ACOT9: variants seen among roughly 807,000 people sequenced by gnomAD.
ACOT9 encodes acyl-CoA thioesterase 9.
A neutral mutation model predicts 39.7 loss-of-function variants in ACOT9; 34 were observed. That is an observed-to-expected ratio of 0.86 (90% CI 0.65 to 1.14). ACOT9 has a LOEUF of 1.14. ACOT9 is among the 50% of genes most tolerant of loss of function. ACOT9 has a pLI of 0.00. For missense variants in ACOT9, 313 were observed against 344.1 expected, an observed-to-expected ratio of 0.91 and a Z score of 0.71; for synonymous variants, 110 against 120.5, an observed-to-expected ratio of 0.91 and a Z score of 0.57.
intron 11 of ACOT9, 64 bp downstream of exon 11, chrX:23,706,558 CAAAAAA>C (rs35002168): frequency 5.0e-4 from 132 of 263,330 alleles, no homozygotes; most frequent in Middle Eastern, 1.3e-3. Context: ...AACTCCGTCT[CAAAAAA>C]AAAAAAAAAA....
At chrX:23,741,767 C>T (rs187357298) in intron 1 of ACOT9, among the ~76,000 whole-genome samples, 19 of 87,283 alleles carry the variant, frequency 2.2e-4, no homozygotes, top group African/African-American at 6.7e-4. Flanking sequence ...CTCTGCCTTC[C>T]GGTTCAGGCG....
Position 23,702,945 on chromosome X carries a change from G to A in ACOT9, c.*949C>T, listed in dbSNP as rs1489439600. On this transcript the variant is annotated 3_prime_UTR_variant, in exon 16 of 16. Coordinates refer to ENST00000379303, the MANE Select transcript of ACOT9 (RefSeq NM_001037171.2). ...ATTTTTTAAATCAGATATATCCTGC[G>A]GAGCCACTAGCAGAATGTGCTAAAT... 1 of 111,460 alleles carries A rather than the reference G, an allele frequency of 9.0e-6. No individual in the cohort carries two copies. The highest frequency in any genetic ancestry group is 9.6e-5 in the Admixed American group (1 of 10,469). 9.2% of individuals were successfully genotyped at this position (111,460 alleles called of 1,213,427 possible).
rs188011906 is a variant in ACOT9, at chrX:23,731,903, G to A, written c.192-917C>T. Among the ~76,000 whole-genome samples, 18 of 112,029 alleles carry A rather than the reference G, an allele frequency of 1.6e-4. No individual in the cohort carries two copies. In the East Asian group the frequency reaches 1.7e-3, roughly 10 times the overall value. On this transcript the variant is annotated intron_variant, in intron 4 of 15. Transcript: ENST00000379303. ...AGAGAAAAGAAAGACAAGGGGATAC[G>A]GAACGACAATGTTGATAAGAACATT...
intron 1 of ACOT9, among the ~76,000 whole-genome samples, chrX:23,737,391 A>C (rs767843034): frequency 1.8e-5 from 2 of 111,927 alleles, no homozygotes; most frequent in African/African-American, 3.2e-5. Flanking sequence ...AGTTCAATTT[A>C]CTAGTAAATT....
Position 23,733,223 on chromosome X carries a change from A to G in ACOT9, c.146-6T>C. ...CTCCCGCAACTTATCTCGAACTGAAACAAAAATAAAGAGGTCATTCCATGA... is the reference window on the plus strand; with the variant it reads ...CTCCCGCAACTTATCTCGAACTGAAGCAAAAATAAAGAGGTCATTCCATGA... On this transcript the variant is annotated splice_region_variant and splice_polypyrimidine_tract_variant and intron_variant, in intron 3 of 15. Coordinates refer to ENST00000379303, the MANE Select transcript of ACOT9 (RefSeq NM_001037171.2). 8.3e-7 allele frequency: 1 copy of G among 1,204,912 alleles called. No individual in the cohort carries two copies.
At chrX:23,738,800 T>C (rs373562993) in intron 1 of ACOT9, among the ~76,000 whole-genome samples, 3 of 112,133 alleles carry the variant, frequency 2.7e-5, no homozygotes, top group African/African-American at 9.7e-5. Flanking sequence ...AATGGCTAAA[T>C]ACCCTGAATA....
chrX:23,713,803 G>A lies in ACOT9; in HGVS notation c.589-595C>T, dbSNP rs946418821. Among the ~76,000 whole-genome samples, 4 of 110,633 alleles carry A rather than the reference G, an allele frequency of 3.6e-5. No individual in the cohort carries two copies. In the Admixed American group the frequency reaches 3.9e-4, roughly 11 times the overall value. On this transcript the variant is annotated intron_variant, in intron 8 of 15. Coordinates refer to ENST00000379303, the MANE Select transcript of ACOT9 (RefSeq NM_001037171.2). ...TCCCAGCATTTTGAGAGGCCTAGAT[G>A]AGAGGATTGCCTGAGACCAGGAAAG...
chrX:23,718,763 G>A (rs145025042), intron 8 of ACOT9, among the ~76,000 whole-genome samples: 4,104 of 109,110 alleles, frequency 0.038, 201 homozygotes, highest in African/African-American at 0.13. Context: ...AAAATTAGCC[G>A]GGCATGGTGG....
At chrX:23,716,656 A>G (rs944203450) in intron 8 of ACOT9, among the ~76,000 whole-genome samples, 1 of 111,757 alleles carries the variant, frequency 8.9e-6, no homozygotes, top group Non-Finnish European at 1.9e-5. Context: ...GGGCTAGTTT[A>G]TGAAGCCCCT....
At chrX:23,706,805 C>T in intron 10 of ACOT9, 66 bp from the exon 11 acceptor site, 1 of 629,222 alleles carries the variant, frequency 1.6e-6, no homozygotes, top group Non-Finnish European at 2.5e-6. Context: ...GTATTCTGAC[C>T]TGGGATGCCT....
intron 10 of ACOT9, 36 bp from the exon 11 acceptor site, chrX:23,706,775 C>T (rs764741406): frequency 1.8e-5 from 16 of 872,070 alleles, no homozygotes; most frequent in Non-Finnish European, 1.3e-5. Context: ...ATGATCAGGA[C>T]GGTCGCACTA....
At position 23,703,956 on chromosome X, in the gene ACOT9, G is replaced by A. The variant is rs776162907; in HGVS notation, c.1285C>T (p.Arg429Trp). 6.6e-6 allele frequency: 8 copies of A among 1,210,227 alleles called. No homozygotes were observed. In the East Asian group the frequency reaches 1.5e-4, roughly 22 times the overall value. The change falls in exon 16 of 16, where the codon CGG (arginine) becomes TGG (tryptophan). Residue 429 changes from arginine to tryptophan, a missense_variant. Physicochemically the swap from Arg to Trp is moderately radical, Grantham distance 101. Coordinates refer to ENST00000379303, the MANE Select transcript of ACOT9 (RefSeq NM_001037171.2). Reference protein sequence around the residue: ...GESMLYLDGQRHFNSMSGPAT... With the variant: ...GESMLYLDGQWHFNSMSGPAT... ...GGGCCACTCATGGAGTTGAAATGCC[G>A]CTGCCCATCTAAGTACAACATGGAC... is the stretch of plus-strand genomic sequence containing the variant.
chrX:23,713,281 G>C (rs1250351642), intron 8 of ACOT9, 73 bp from the exon 9 acceptor site: 17 of 895,682 alleles, frequency 1.9e-5, no homozygotes, highest in Non-Finnish European at 2.8e-5. Flanking sequence ...GATTCTAACA[G>C]ACGGTATGTA....
chrX:23,709,490 C>T (rs990612833), intron 9 of ACOT9, among the ~76,000 whole-genome samples: 1 of 112,514 alleles, frequency 8.9e-6, no homozygotes, highest in Non-Finnish European at 1.9e-5. Context: ...TGCTTGAATA[C>T]AAGCCCCAGG....
chrX:23,742,841 AGGAATTTTAGG>A (rs1015328441), intron 1 of ACOT9, among the ~76,000 whole-genome samples: 1 of 112,678 alleles, frequency 8.9e-6, no homozygotes, highest in Non-Finnish European at 1.9e-5. Context: ...GCAAGGCCAA[AGGAATTTTAGG>A]GAACACCCAA....
chrX:23,726,133 G>A (rs1929513002), intron 6 of ACOT9, among the ~76,000 whole-genome samples: 1 of 109,582 alleles, frequency 9.1e-6, no homozygotes, highest in Non-Finnish European at 1.9e-5. Context: ...CCGGGAGATG[G>A]AGGATGCAGT....
At chrX:23,735,240 CAAAAAAAAAAA>C (rs35950361) in intron 2 of ACOT9, among the ~76,000 whole-genome samples, 2 of 29,151 alleles carry the variant, frequency 6.9e-5, no homozygotes, top group Non-Finnish European at 1.2e-4. Flanking sequence ...GACTCCATCC[CAAAAAAAAAAA>C]AAAAAAAAAA....
chrX:23,710,363 A>T (rs2146819476), intron 9 of ACOT9, among the ~76,000 whole-genome samples: 1 of 111,930 alleles, frequency 8.9e-6, no homozygotes, highest in South Asian at 3.7e-4. Context: ...GGCTGACTCC[A>T]GGCCTGGGGC....
chrX:23,726,976 C>T (rs889445024), intron 6 of ACOT9, among the ~76,000 whole-genome samples: 7 of 52,178 alleles, frequency 1.3e-4, no homozygotes, highest in African/African-American at 4.8e-4. Flanking sequence ...CGCACCACCA[C>T]GCCCGGCTAC....
Sources: gnomAD v4.1 joint callset for allele counts (sites outside exome capture counted in the v4.1 genomes callset) on GRCh38, gnomAD v4.1.1 for gene constraint, MANE v1.5 for transcripts, NCBI Gene and HGNC (gene_info 2026-07-23, HGNC 2026-07-21) for gene names.